Variants in MARCHF1 observed in about 807,000 individuals in gnomAD.
MARCHF1 encodes the protein membrane associated ring-CH-type finger 1, also known as E3 ubiquitin-protein ligase MARCHF1.
MARCHF1 carries 40 observed loss-of-function variants against 54.2 expected under a neutral mutation model. The observed-to-expected ratio is 0.74, with a 90% confidence interval of 0.57 to 0.96. MARCHF1 has a LOEUF of 0.96. MARCHF1 is among the 40% of genes least tolerant of loss of function. MARCHF1 has a pLI of 0.00. For synonymous variants in MARCHF1, 236 were observed against 236.3 expected, an observed-to-expected ratio of 1.00 and a Z score of 0.01; for missense variants, 586 against 656.5, an observed-to-expected ratio of 0.89 and a Z score of 1.17.
At chr4:163,931,098 C>T (rs74286465) in intron 3 of MARCHF1, among the ~76,000 whole-genome samples, 3,641 of 152,126 alleles carry the variant, frequency 0.024, 165 homozygotes, top group East Asian at 0.19. Context: ...CTTTGTCTCA[C>T]TACTTGAGGA....
chr4:163,819,131 A>C (rs72685633), intron 4 of MARCHF1, among the ~76,000 whole-genome samples: 5,713 of 152,144 alleles, frequency 0.038, 149 homozygotes, highest in South Asian at 0.065. Flanking sequence ...CATTTTCTCT[A>C]ATGACCACAC....
At chr4:163,894,799 C>T (rs1388934955) in intron 3 of MARCHF1, among the ~76,000 whole-genome samples, 1 of 36,350 alleles carries the variant, frequency 2.8e-5, no homozygotes, top group African/African-American at 1.2e-4. Flanking sequence ...GCATGTGATG[C>T]ATATATATAC....
At chr4:164,329,446 A>G (rs1383419321) in intron 1 of MARCHF1, among the ~76,000 whole-genome samples, 1 of 152,256 alleles carries the variant, frequency 6.6e-6, no homozygotes, top group Non-Finnish European at 1.5e-5. Context: ...AAAGACGGAA[A>G]AAAAAGGTCA....
intron 3 of MARCHF1, among the ~76,000 whole-genome samples, chr4:163,979,398 C>CCCAT (rs1553967476): frequency 1.4e-5 from 2 of 147,950 alleles, no homozygotes; most frequent in Non-Finnish European, 3.0e-5. Flanking sequence ...ATATGTGCCA[C>CCCAT]ATTTTCTTAA....
intron 2 of MARCHF1, among the ~76,000 whole-genome samples, chr4:164,054,697 A>G (rs1754449529): frequency 1.4e-5 from 2 of 146,700 alleles, no homozygotes; most frequent in Admixed American, 1.4e-4. Flanking sequence ...CAAACACCGC[A>G]TATTCTCACT....
chr4:164,050,628 G>T (rs964781577), intron 2 of MARCHF1, among the ~76,000 whole-genome samples: 5 of 152,130 alleles, frequency 3.3e-5, no homozygotes, highest in Non-Finnish European at 7.3e-5. Context: ...TGGACATGTG[G>T]CATGTCAGGT....
At chr4:164,114,866 C>A (rs1050500815) in intron 1 of MARCHF1, among the ~76,000 whole-genome samples, 1 of 150,500 alleles carries the variant, frequency 6.6e-6, no homozygotes, top group South Asian at 2.1e-4. Flanking sequence ...TAGTACAAAT[C>A]GTCACTGATG....
At chr4:164,031,957 G>C (rs2110994716) in intron 2 of MARCHF1, among the ~76,000 whole-genome samples, 1 of 152,190 alleles carries the variant, frequency 6.6e-6, no homozygotes, top group East Asian at 1.9e-4. Context: ...GAATCCACCT[G>C]GTCTTGGGTT....
intron 5 of MARCHF1, among the ~76,000 whole-genome samples, chr4:163,693,665 C>T (rs1744531665): frequency 6.6e-6 from 1 of 151,766 alleles, no homozygotes; most frequent in Admixed American, 6.6e-5. Context: ...CAGCTCCTAA[C>T]AAGCTACCTG....
intron 8 of MARCHF1, among the ~76,000 whole-genome samples, chr4:163,570,596 C>T (rs766632477): frequency 6.6e-6 from 1 of 152,036 alleles, no homozygotes; most frequent in Non-Finnish European, 1.5e-5. Context: ...AAAATATTTG[C>T]AGAGTTATAC....
At chr4:163,770,216 C>T (rs1270081081) in intron 4 of MARCHF1, among the ~76,000 whole-genome samples, 2 of 152,096 alleles carry the variant, frequency 1.3e-5, no homozygotes, top group Admixed American at 1.3e-4. Flanking sequence ...AAAGCTTATA[C>T]AGAAATTTTT....
intron 1 of MARCHF1, among the ~76,000 whole-genome samples, chr4:164,138,861 T>C (rs1470668681): frequency 6.6e-6 from 1 of 152,198 alleles, no homozygotes; most frequent in African/African-American, 2.4e-5. Flanking sequence ...CTATCATGGC[T>C]AACAATTTGA....
At chr4:164,179,657 T>G (rs1730780796) in intron 1 of MARCHF1, among the ~76,000 whole-genome samples, 1 of 152,058 alleles carries the variant, frequency 6.6e-6, no homozygotes, top group South Asian at 2.1e-4. Flanking sequence ...GAAAAAACTT[T>G]GCACATTCAT....
rs1353562224 is a variant in MARCHF1, at chr4:163,978,673, A to G, written c.-39+9828T>C. On this transcript the variant is annotated intron_variant, in intron 3 of 9. Transcript: ENST00000514618. ...TTGCCAATTGAAATAGTCATATAAC[A>G]TATAAGTGATTCCTGGGGATTTTTT... Among the ~76,000 whole-genome samples the G allele has an allele frequency of 2.0e-5, 3 of 152,068 alleles. No homozygotes were observed. The East Asian group carries it at 5.8e-4, about 29-fold the overall frequency.
At chr4:163,656,435 C>T in intron 5 of MARCHF1, among the ~76,000 whole-genome samples, 1 of 151,526 alleles carries the variant, frequency 6.6e-6, no homozygotes, top group Non-Finnish European at 1.5e-5. Flanking sequence ...ACCAAAAAAC[C>T]CCAGGACCAG....
At chr4:163,601,939 T>C (rs1448297874) in intron 7 of MARCHF1, among the ~76,000 whole-genome samples, 8 of 151,870 alleles carry the variant, frequency 5.3e-5, no homozygotes. Flanking sequence ...GTCAAGATAA[T>C]CAGTATTATT....
At chr4:163,661,633 G>T (rs1743346813) in intron 5 of MARCHF1, among the ~76,000 whole-genome samples, 1 of 151,940 alleles carries the variant, frequency 6.6e-6, no homozygotes, top group Non-Finnish European at 1.5e-5. Flanking sequence ...TAATTGACAT[G>T]CAATAAACAA....
At chr4:163,746,187 C>T (rs1366255679) in intron 4 of MARCHF1, among the ~76,000 whole-genome samples, 3 of 152,148 alleles carry the variant, frequency 2.0e-5, no homozygotes, top group Non-Finnish European at 2.9e-5. Context: ...CCTCTTAATC[C>T]CTGGACACCA....
At chr4:164,141,292 A>T (rs1328985981) in intron 1 of MARCHF1, among the ~76,000 whole-genome samples, 1 of 152,172 alleles carries the variant, frequency 6.6e-6, no homozygotes, top group Non-Finnish European at 1.5e-5. Flanking sequence ...TCTCTGACAT[A>T]GATGTTGCTT....
Sources: allele counts gnomAD v4.1 joint callset (sites outside exome capture counted in the v4.1 genomes callset), GRCh38; gene constraint gnomAD v4.1.1; transcripts MANE v1.5; gene names NCBI Gene and HGNC (gene_info 2026-07-23, HGNC 2026-07-21).